Variants in INPP4B observed in about 807,000 individuals in gnomAD.
INPP4B encodes inositol polyphosphate-4-phosphatase type II B.
INPP4B carries 55 observed loss-of-function variants against 122.5 expected under a neutral mutation model. That is an observed-to-expected ratio of 0.45 (90% CI 0.36 to 0.56). INPP4B has a LOEUF of 0.56. Ranked by LOEUF, INPP4B falls within the 20% of genes least tolerant of loss-of-function variation. INPP4B has a pLI of 0.00. For synonymous variants in INPP4B, 403 were observed against 388.7 expected, an observed-to-expected ratio of 1.04 and a Z score of -0.43; for missense variants, 1,000 against 1,097.7, an observed-to-expected ratio of 0.91 and a Z score of 1.26.
chr4:142,776,832 A>G (rs375836344), intron 1 of INPP4B, among the ~76,000 whole-genome samples: 16 of 152,274 alleles, frequency 1.1e-4, no homozygotes, highest in African/African-American at 3.6e-4. Context: ...ATTTAGAGTC[A>G]CACAAACCTG....
intron 1 of INPP4B, among the ~76,000 whole-genome samples, chr4:142,825,984 T>C (rs1367314013): frequency 6.6e-6 from 1 of 152,162 alleles, no homozygotes; most frequent in Admixed American, 6.6e-5. Context: ...AATGTCCCTT[T>C]TCACATGTTC....
intron 9 of INPP4B, among the ~76,000 whole-genome samples, chr4:142,280,499 T>A (rs1418151297): frequency 6.6e-6 from 1 of 151,934 alleles, no homozygotes; most frequent in Non-Finnish European, 1.5e-5. Context: ...AATAGCTATT[T>A]TGATGGACAA....
intron 2 of INPP4B, among the ~76,000 whole-genome samples, chr4:142,620,711 C>T (rs902544898): frequency 2.6e-5 from 4 of 151,726 alleles, no homozygotes; most frequent in Non-Finnish European, 5.9e-5. Context: ...GTTAAGAATG[C>T]CCATAGAATT....
intron 7 of INPP4B, among the ~76,000 whole-genome samples, chr4:142,367,082 T>C (rs1201570963): frequency 2.0e-5 from 3 of 151,904 alleles, no homozygotes; most frequent in African/African-American, 7.3e-5. Flanking sequence ...AAGCCAGAAG[T>C]AGGGCTGCAG....
intron 22 of INPP4B, 81 bp from the exon 23 acceptor site, chr4:142,108,271 A>G (rs1578925078): frequency 1.4e-6 from 1 of 728,280 alleles, no homozygotes; most frequent in Non-Finnish European, 2.4e-6. Context: ...CTTTTTAAAT[A>G]GATTAGAAAA....
intron 2 of INPP4B, 40 bp downstream of exon 2, chr4:142,725,799 T>C: frequency 2.5e-6 from 1 of 397,212 alleles, no homozygotes; most frequent in Admixed American, 4.4e-5. Context: ...CATGTAGAGT[T>C]ATACAGAATG....
At chr4:142,388,715 C>CA (rs1414160278) in intron 7 of INPP4B, among the ~76,000 whole-genome samples, 1 of 152,100 alleles carries the variant, frequency 6.6e-6, no homozygotes, top group East Asian at 1.9e-4. Context: ...AGAAAATATA[C>CA]TTTTAGGGAT....
intron 1 of INPP4B, among the ~76,000 whole-genome samples, chr4:142,734,346 T>A (rs1336550449): frequency 6.6e-6 from 1 of 152,120 alleles, no homozygotes; most frequent in African/African-American, 2.4e-5. Flanking sequence ...CCACCTAATC[T>A]ATCGTATTTT....
intron 25 of INPP4B, among the ~76,000 whole-genome samples, chr4:142,045,071 AAATAT>A (rs1210040664): frequency 6.6e-6 from 1 of 152,184 alleles, no homozygotes; most frequent in Non-Finnish European, 1.5e-5. Flanking sequence ...ATTAATGTCA[AAATAT>A]ATTAGAACAC....
At chr4:142,527,852 C>CT (rs907389881) in intron 2 of INPP4B, among the ~76,000 whole-genome samples, 5 of 150,362 alleles carry the variant, frequency 3.3e-5, no homozygotes, top group South Asian at 2.1e-4. Flanking sequence ...TCCTCTTTTC[C>CT]TTTTTTTTTA....
chr4:142,675,115 C>A (rs933281973), intron 2 of INPP4B, among the ~76,000 whole-genome samples: 1 of 151,746 alleles, frequency 6.6e-6, no homozygotes, highest in Non-Finnish European at 1.5e-5. Context: ...ACTAGCCAGA[C>A]TAATAAAGAA....
chr4:142,601,968 C>CAAAAA (rs70949178), intron 2 of INPP4B, among the ~76,000 whole-genome samples: 1 of 74,890 alleles, frequency 1.3e-5, no homozygotes, highest in Non-Finnish European at 2.5e-5. Context: ...GACTCCATCT[C>CAAAAA]AAAAAAAAAA....
chr4:142,718,064 T>G (rs1764031769), intron 2 of INPP4B, among the ~76,000 whole-genome samples: 2 of 151,852 alleles, frequency 1.3e-5, no homozygotes, highest in South Asian at 4.2e-4. Flanking sequence ...CGTATGCATA[T>G]GAGATCAACC....
intron 2 of INPP4B, among the ~76,000 whole-genome samples, chr4:142,547,637 A>G (rs1490438717): frequency 6.6e-6 from 1 of 152,174 alleles, no homozygotes; most frequent in East Asian, 1.9e-4. Flanking sequence ...ATGAAGGTTA[A>G]GTGACTTGGC....
rs1190380116 is a variant in INPP4B, at chr4:142,401,893, C to A, written c.372+1045G>T. On this transcript the variant is annotated intron_variant, in intron 7 of 25. Coordinates refer to ENST00000262992, the MANE Select transcript of INPP4B (RefSeq NM_001101669.3). ...TGTTCTGCAATTTTAAAGAAATGAA[C>A]TTTTCTGGGGCTAAGATGCATAGAA... 2.0e-5 allele frequency among the ~76,000 whole-genome samples: 3 copies of A among 152,150 alleles called. No individual in the cohort carries two copies. In the East Asian group the frequency reaches 5.8e-4, roughly 29 times the overall value.
Position 142,669,004 on chromosome 4 carries a change from G to A in INPP4B, c.-191+56835C>T, listed in dbSNP as rs760189387. On this transcript the variant is annotated intron_variant, in intron 2 of 25. Coordinates refer to ENST00000262992, the MANE Select transcript of INPP4B (RefSeq NM_001101669.3). ...TCAGGAGGTGGAGCTTGCAATGAGC[G>A]GAGATTGCGCCACTGTGCTCCAGCC... 1.8e-4 allele frequency among the ~76,000 whole-genome samples: 28 copies of A among 152,142 alleles called. No individual in the cohort carries two copies. The South Asian group carries it at 2.3e-3, about 12-fold the overall frequency.
chr4:142,646,046 T>C (rs1344046862), intron 2 of INPP4B, among the ~76,000 whole-genome samples: 1 of 152,144 alleles, frequency 6.6e-6, no homozygotes, highest in East Asian at 1.9e-4. Flanking sequence ...GTGGCCAGGG[T>C]AAACTGAAGG....
intron 1 of INPP4B, among the ~76,000 whole-genome samples, chr4:142,807,659 C>T (rs147561744): frequency 3.9e-5 from 6 of 152,260 alleles, no homozygotes; most frequent in African/African-American, 1.2e-4. Flanking sequence ...ATGATGAGAA[C>T]GATGTTTCCT....
chr4:142,584,127 A>G (rs1389987175), intron 2 of INPP4B, among the ~76,000 whole-genome samples: 3 of 151,990 alleles, frequency 2.0e-5, no homozygotes, highest in Non-Finnish European at 4.4e-5. Flanking sequence ...AGAGAATATG[A>G]GTTTTTTTTT....
Sources: allele counts gnomAD v4.1 joint callset (sites outside exome capture counted in the v4.1 genomes callset), GRCh38; gene constraint gnomAD v4.1.1; transcripts MANE v1.5; gene names NCBI Gene and HGNC (gene_info 2026-07-23, HGNC 2026-07-21).